The following FBLN7 variants were observed in gnomAD, a reference collection of about 807,000 sequenced individuals.
FBLN7 encodes fibulin-7.
A neutral mutation model predicts 44.0 loss-of-function variants in FBLN7; 31 were observed. The observed-to-expected ratio is 0.70, with a 90% CI of 0.53 to 0.95. The LOEUF is 0.95. Among genes scored for constraint, FBLN7 ranks in the 40% least tolerant of loss-of-function variants. The pLI is 0.00. For synonymous variants in FBLN7, 262 were observed against 253.4 expected, an observed-to-expected ratio of 1.03 and a Z score of -0.32; for missense variants, 573 against 618.5, an observed-to-expected ratio of 0.93 and a Z score of 0.78.
chr2:112,183,395 C>A (rs757533774), intron 6 of FBLN7, among the ~76,000 whole-genome samples: 7 of 152,192 alleles, frequency 4.6e-5, no homozygotes, highest in Non-Finnish European at 8.8e-5. Flanking sequence ...ACAGCACCAG[C>A]CTTGTCTGAT....
At chr2:112,185,075 T>C (rs1683201312) in intron 6 of FBLN7, 126 bp from the exon 7 acceptor site, 4 of 1,322,364 alleles carry the variant, frequency 3.0e-6, no homozygotes, top group Non-Finnish European at 4.1e-6. Context: ...GGCTTTCTGC[T>C]TTAAGAATAA....
rs191404089 is a variant in FBLN7, at chr2:112,168,098, C to A, written c.406+2927C>A. Among the ~76,000 whole-genome samples the A allele has an allele frequency of 1.8e-4, 28 of 152,286 alleles. 1 individual carries two copies. Among genetic ancestry groups the A allele is most frequent in the African/African-American group, 4.8e-4 (20 of 41,564 alleles). The stretch of plus-strand genomic sequence containing the variant: ...GCCAGGCGTCCAGCAAGCCTACTGA[C>A]CTTTCCCGTGGTCCAACGTGGTATC... On this transcript the variant is annotated intron_variant, in intron 3 of 7. Transcript: ENST00000331203.
Position 112,154,025 on chromosome 2 carries a change from C to T in FBLN7, c.76-5651C>T, listed in dbSNP as rs187859729. ...CCACCTCTACTCCAGCTTGGAAAAA[C>T]CTGGATGGGGTGACATCTGTTGTTC... On this transcript the variant is annotated intron_variant, in intron 1 of 7. Coordinates refer to ENST00000331203, the MANE Select transcript of FBLN7 (RefSeq NM_153214.3). Among the ~76,000 whole-genome samples the T allele has an allele frequency of 1.2e-4, 18 of 152,302 alleles. No individual in the cohort carries two copies. In the East Asian group the frequency reaches 3.5e-3, roughly 29 times the overall value.
chr2:112,235,626 T>G, the FBLN7 span, among the ~76,000 whole-genome samples: 1 of 152,098 alleles, frequency 6.6e-6, no homozygotes, highest in East Asian at 1.9e-4. Context: ...ATAAAAAAAG[T>G]TGCCATCCAG....
At chr2:112,191,101 T>C (rs4849052), downstream of FBLN7, among the ~76,000 whole-genome samples, 146,728 of 152,280 alleles carry the variant, frequency 0.96, 70,754 homozygotes, top group East Asian at 1. Flanking sequence ...CCTCAGCCTC[T>C]GAGTAGCTGG....
At chr2:112,176,577 T>A (rs543426378) in intron 4 of FBLN7, 10 of 152,380 alleles carry the variant, frequency 6.6e-5, no homozygotes, top group African/African-American at 2.4e-4. Flanking sequence ...GGATAAGAGC[T>A]TTATCAATAC....
At chr2:112,223,121 G>C in the FBLN7 span, among the ~76,000 whole-genome samples, 1 of 152,004 alleles carries the variant, frequency 6.6e-6, no homozygotes, top group Non-Finnish European at 1.5e-5. Flanking sequence ...GGGTGGGGGA[G>C]TGGGGAGGGA....
chr2:112,160,926 C>T (rs1681836828), intron 2 of FBLN7, among the ~76,000 whole-genome samples: 1 of 152,164 alleles, frequency 6.6e-6, no homozygotes, highest in Non-Finnish European at 1.5e-5. Context: ...GGCTCCAGTG[C>T]TTCAGGCGTG....
the FBLN7 span, among the ~76,000 whole-genome samples, chr2:112,203,564 A>T: frequency 1.3e-5 from 2 of 152,326 alleles, no homozygotes; most frequent in East Asian, 1.9e-4. Context: ...ATAAAATATT[A>T]TGAACTTACC....
At chr2:112,168,925 T>C (rs1226010480) in intron 3 of FBLN7, among the ~76,000 whole-genome samples, 3 of 152,220 alleles carry the variant, frequency 2.0e-5, no homozygotes, top group Non-Finnish European at 2.9e-5. Context: ...AAGACAGTGA[T>C]GAACCCAACT....
chr2:112,160,770 GCAGACGCA>G (rs1558880235), intron 2 of FBLN7, among the ~76,000 whole-genome samples: 3 of 36,110 alleles, frequency 8.3e-5, no homozygotes, highest in Non-Finnish European at 1.9e-4. Context: ...GCACGCACAC[GCAGACGCA>G]CACGCACGCA....
Position 112,138,541 on chromosome 2 carries a change from C to A in FBLN7, c.-115C>A. 1 of 1,485,760 alleles carries A rather than the reference C, an allele frequency of 6.7e-7. No individual in the cohort carries two copies. The highest frequency in any genetic ancestry group is 9.1e-7 in the Non-Finnish European group (1 of 1,103,170). 92.0% of individuals were successfully genotyped at this position (1,485,760 alleles called of 1,614,324 possible). On this transcript the variant is annotated 5_prime_UTR_variant, in exon 1 of 8. Coordinates refer to ENST00000331203, the MANE Select transcript of FBLN7 (RefSeq NM_153214.3). ...GCCTCCCCCCCTGCCCCAGCCGCCC[C>A]CCGGCCGCGCGGCGCCCCGCACCCT...
intron 4 of FBLN7, among the ~76,000 whole-genome samples, chr2:112,180,570 T>C (rs1281804293): frequency 2.6e-5 from 4 of 152,124 alleles, no homozygotes; most frequent in African/African-American, 9.7e-5. Flanking sequence ...CTGTTCACAA[T>C]AGCAAAGACA....
rs557130843 is a variant in FBLN7, at chr2:112,182,853, G to A, written c.733G>A (p.Val245Met). The stretch of plus-strand genomic sequence containing the variant: ...CCCCCGGCTCTGCATGCACGCCTGC[G>A]TGAACACCCCGGGCTCTTACCGTTG... ...GRPRLCMHAC[V>M]NTPGSYRCTC... Residue 245 changes from valine (V) to methionine (M), a missense_variant, in exon 6 of 8, where the codon GTG (valine) becomes ATG (methionine). Coordinates refer to ENST00000331203, the MANE Select transcript of FBLN7 (RefSeq NM_153214.3). 6.3e-5 allele frequency: 102 copies of A among 1,612,894 alleles called. No individual in the cohort carries two copies. Among genetic ancestry groups the A allele is most frequent in the South Asian group, 3.6e-4 (33 of 90,738 alleles).
chr2:112,143,914 A>G (rs144589962), intron 1 of FBLN7, among the ~76,000 whole-genome samples: 1 of 152,150 alleles, frequency 6.6e-6, no homozygotes, highest in African/African-American at 2.4e-5. Context: ...AAAAGAGTAC[A>G]TGGCCTTTTG....
chr2:112,170,242 CAAACA>C (rs1001852614), intron 3 of FBLN7, among the ~76,000 whole-genome samples: 11 of 145,888 alleles, frequency 7.5e-5, no homozygotes, highest in Admixed American at 4.9e-4. Flanking sequence ...AACTCCATCT[CAAACA>C]AAACAAAACA....
At chr2:112,197,022 G>C in the FBLN7 span, among the ~76,000 whole-genome samples, 1 of 151,982 alleles carries the variant, frequency 6.6e-6, no homozygotes, top group Non-Finnish European at 1.5e-5. Context: ...CTGCCCCCAT[G>C]ATTCAGTTAT....
rs1682944109 is a variant in FBLN7, at chr2:112,180,801, T to C, written c.533-938T>C. On this transcript the variant is annotated intron_variant, in intron 4 of 7. Transcript: ENST00000331203. ...TGCCCGGTGTGGTGGCGGGCGCCTG[T>C]AGTCCCAGCTACTTAGGAGGCTGAG... 2.0e-5 allele frequency among the ~76,000 whole-genome samples: 3 copies of C among 151,506 alleles called. No individual in the cohort carries two copies. In the South Asian group the frequency reaches 6.2e-4, roughly 32 times the overall value.
intron 3 of FBLN7, among the ~76,000 whole-genome samples, chr2:112,172,631 T>G (rs1010102295): frequency 7.5e-6 from 1 of 133,008 alleles, no homozygotes; most frequent in African/African-American, 2.9e-5. Flanking sequence ...TTCTTTCTTT[T>G]TTTTTTTTTT....
Sources: gnomAD v4.1 joint callset for allele counts (sites outside exome capture counted in the v4.1 genomes callset) on GRCh38, gnomAD v4.1.1 for gene constraint, MANE v1.5 for transcripts, NCBI Gene and HGNC (gene_info 2026-07-23, HGNC 2026-07-21) for gene names.